Variants in ZNF600 observed in about 807,000 individuals in gnomAD.
ZNF600 encodes zinc finger protein 600.
A neutral mutation model predicts 7.3 loss-of-function variants in ZNF600; 4 were observed. The observed-to-expected ratio is 0.55, with a 90% confidence interval of 0.27 to 1.25. The LOEUF is 1.25. Among genes scored for constraint, ZNF600 ranks in the 50% most tolerant of loss-of-function variants. The pLI is 0.12. For synonymous variants in ZNF600, 290 were observed against 308.9 expected (o/e 0.94, Z 0.64); for missense variants, 911 against 922.1 (o/e 0.99, Z 0.16).
the ZNF600 span, among the ~76,000 whole-genome samples, chr19:52,824,144 C>T: frequency 2.6e-5 from 4 of 151,410 alleles, no homozygotes; most frequent in Admixed American, 2.0e-4. Context: ...AGTGAGACTC[C>T]GTCTCAAAAC....
chr19:52,768,115 A>AT (rs1433952288), intron 3 of ZNF600, among the ~76,000 whole-genome samples: 1 of 151,974 alleles, frequency 6.6e-6, no homozygotes, highest in Admixed American at 6.6e-5. Flanking sequence ...AAAAATATAT[A>AT]TTTTTCATAT....
the ZNF600 span, chr19:52,808,075 A>T: frequency 6.2e-7 from 1 of 1,613,550 alleles, no homozygotes. Context: ...AGCAGGGTCC[A>T]GGCATTTCCA....
In ZNF600 at chr19:52,766,867, T is replaced by C. The variant is rs764260178; in HGVS notation, c.1096A>G (p.Thr366Ala). Residue 366 changes from threonine (T) to alanine (A), a missense_variant, in exon 4 of 4, where the codon ACT becomes GCT. Coordinates refer to ENST00000648973, the Ensembl canonical transcript of ZNF600. Reference sequence around the variant, plus strand: ...TCACATTTGTAAGGTTTCTCTCCAGTATGAATTCTACGATGACGTGCAAGG... The same window carrying C: ...TCACATTTGTAAGGTTTCTCTCCAGCATGAATTCTACGATGACGTGCAAGG... 5.6e-6 allele frequency: 9 copies of C among 1,614,074 alleles called. No homozygotes were observed. The Admixed American group carries it at 6.7e-5, about 12-fold the overall frequency.
chr19:52,831,100 A>G, the ZNF600 span, among the ~76,000 whole-genome samples: 3 of 152,270 alleles, frequency 2.0e-5, no homozygotes, highest in East Asian at 5.8e-4. Flanking sequence ...TTTCAAGCAT[A>G]TACTCAACAA....
chr19:52,780,218 C>T lies in ZNF600; in HGVS notation c.-19-1311G>A, dbSNP rs62119560. Among the ~76,000 whole-genome samples, 926 of 151,924 alleles carry T rather than the reference C, an allele frequency of 6.1e-3. 2 individuals are homozygous for T. Among genetic ancestry groups the T allele is most frequent in the Non-Finnish European group, 9.9e-3 (672 of 67,908 alleles). ...AAAATTAAACTCTGCGCCGACCACCCTGGGCAAAATAAACTTTCTAAATTA... is the reference window on the plus strand; with the variant it reads ...AAAATTAAACTCTGCGCCGACCACCTTGGGCAAAATAAACTTTCTAAATTA... On this transcript the variant is annotated intron_variant, in intron 1 of 3. Coordinates refer to ENST00000648973, the Ensembl canonical transcript of ZNF600.
the ZNF600 span, among the ~76,000 whole-genome samples, chr19:52,831,663 C>A: frequency 6.6e-5 from 10 of 152,024 alleles, no homozygotes; most frequent in African/African-American, 2.4e-4. Context: ...CCACCACGCC[C>A]AGCTAATTTT....
exon 4 of ZNF600, chr19:52,766,804 C>G: frequency 1.2e-6 from 2 of 1,614,058 alleles, no homozygotes; most frequent in Non-Finnish European, 1.7e-6. Context: ...TTATGTGACT[C>G]AAGGGTTGAT....
intron 1 of ZNF600, among the ~76,000 whole-genome samples, chr19:52,779,384 T>C (rs1019974929): frequency 6.6e-6 from 1 of 152,204 alleles, no homozygotes; most frequent in African/African-American, 2.4e-5. Context: ...AAAAGCTCTA[T>C]TTGAAAAATG....
the ZNF600 span, among the ~76,000 whole-genome samples, chr19:52,833,478 G>A: frequency 1.9e-3 from 290 of 152,240 alleles, no homozygotes; most frequent in Middle Eastern, 6.8e-3. Flanking sequence ...AGAAATGACT[G>A]GCTACTAAAT....
chr19:52,808,167 T>C, the ZNF600 span: 13 of 1,610,998 alleles, frequency 8.1e-6, no homozygotes, highest in African/African-American at 9.4e-5. Flanking sequence ...CAAATGGTTA[T>C]GGTGGAGTTC....
At chr19:52,822,482 G>A in the ZNF600 span, among the ~76,000 whole-genome samples, 1 of 152,122 alleles carries the variant, frequency 6.6e-6, no homozygotes, top group Non-Finnish European at 1.5e-5. Flanking sequence ...GAAGAAATAA[G>A]AACTATTCTA....
the ZNF600 span, among the ~76,000 whole-genome samples, chr19:52,815,778 T>C: frequency 2.1e-5 from 3 of 146,058 alleles, no homozygotes; most frequent in Non-Finnish European, 3.0e-5. Flanking sequence ...TGAGCCGAGA[T>C]TGCACCACTG....
exon 4 of ZNF600, chr19:52,766,386 A>G (rs778257798): frequency 2.5e-6 from 4 of 1,614,114 alleles, no homozygotes; most frequent in Non-Finnish European, 2.5e-6. Flanking sequence ...ATGTGTCTCA[A>G]GGGTTGATCC....
chr19:52,815,995 T>C, the ZNF600 span, among the ~76,000 whole-genome samples: 4 of 146,872 alleles, frequency 2.7e-5, no homozygotes, highest in Non-Finnish European at 5.9e-5. Flanking sequence ...ACAACAGAAT[T>C]TTTTTTAAAG....
At chr19:52,775,461 G>T (rs1430074507) in intron 2 of ZNF600, among the ~76,000 whole-genome samples, 1 of 149,338 alleles carries the variant, frequency 6.7e-6, no homozygotes, top group Non-Finnish European at 1.5e-5. Flanking sequence ...GAGGCAGGAG[G>T]ATCGCATGAA....
At chr19:52,809,681 C>T in the ZNF600 span, 50 of 363,402 alleles carry the variant, frequency 1.4e-4, no homozygotes, top group Middle Eastern at 1.6e-3. Context: ...TGTTGGCTGC[C>T]TGTAATCTCA....
At chr19:52,793,218 C>T in the ZNF600 span, among the ~76,000 whole-genome samples, 2 of 152,164 alleles carry the variant, frequency 1.3e-5, no homozygotes, top group South Asian at 2.1e-4. Flanking sequence ...TGTCTCACGT[C>T]TCCATGTAAT....
At chr19:52,800,972 C>T in the ZNF600 span, 20 of 1,614,062 alleles carry the variant, frequency 1.2e-5, no homozygotes, top group South Asian at 4.4e-5. Context: ...CAGTATGAAG[C>T]GCCTTGTGAA....
intron 2 of ZNF600, among the ~76,000 whole-genome samples, chr19:52,775,481 T>G (rs547138044): frequency 1.3e-5 from 2 of 151,454 alleles, no homozygotes; most frequent in South Asian, 4.2e-4. Flanking sequence ...ATCCGAGAGG[T>G]GGAGGTTACA....
Sources: allele counts gnomAD v4.1 joint callset (sites outside exome capture counted in the v4.1 genomes callset), GRCh38; gene constraint gnomAD v4.1.1; transcripts MANE v1.5; gene names NCBI Gene and HGNC (gene_info 2026-07-23, HGNC 2026-07-21).